The following SMIM20 variants were observed in gnomAD, a reference collection of about 807,000 sequenced individuals.
SMIM20 encodes the protein small integral membrane protein 20, also known as mitochondrial translation regulation assembly intermediate of cytochrome c oxidase protein of 7 kDa.
SMIM20 carries 3 observed loss-of-function variants against 8.7 expected under a neutral mutation model. The ratio of observed to expected loss-of-function variants is 0.34; its 90% CI spans 0.16 to 0.89. The LOEUF (loss-of-function observed/expected upper bound fraction) is 0.89. Among genes scored for constraint, SMIM20 ranks in the 40% least tolerant of loss-of-function variants. The pLI is 0.49. For synonymous variants in SMIM20, 44 were observed against 33.6 expected, an observed-to-expected ratio of 1.31 and a Z score of -1.07; for missense variants, 85 against 84.8, an observed-to-expected ratio of 1.00 and a Z score of -0.01.
intron 1 of SMIM20, among the ~76,000 whole-genome samples, chr4:25,915,602 C>T (rs1719069192): frequency 6.6e-6 from 1 of 152,172 alleles, no homozygotes; most frequent in Non-Finnish European, 1.5e-5. Flanking sequence ...AGCTTATCTG[C>T]ATGCACCATG....
intron 1 of SMIM20, among the ~76,000 whole-genome samples, chr4:25,924,717 C>T (rs2109365435): frequency 1.3e-5 from 2 of 152,252 alleles, no homozygotes; most frequent in Middle Eastern, 6.8e-3. Context: ...ACATTGTGAG[C>T]TTTCATTCCT....
chr4:25,918,676 A>AT (rs989486325), intron 1 of SMIM20, among the ~76,000 whole-genome samples: 5 of 150,218 alleles, frequency 3.3e-5, no homozygotes, highest in African/African-American at 1.2e-4. Context: ...ACGCCTGGCT[A>AT]TTTTTTTGTA....
chr4:25,927,854 T>C (rs1433900083), intron 1 of SMIM20, among the ~76,000 whole-genome samples: 1 of 152,246 alleles, frequency 6.6e-6, no homozygotes, highest in East Asian at 1.9e-4. Context: ...CTGCTCTATT[T>C]CCTATCAAAA....
intron 2 of SMIM20, among the ~76,000 whole-genome samples, 174 bp from the exon 3 acceptor site, chr4:25,928,980 G>A (rs570809339): frequency 3.9e-5 from 6 of 152,200 alleles, no homozygotes; most frequent in Non-Finnish European, 8.8e-5. Context: ...CCTTATGGCA[G>A]CCATGGCTTC....
chr4:25,919,329 C>T (rs1398700207), intron 1 of SMIM20, among the ~76,000 whole-genome samples: 1 of 151,964 alleles, frequency 6.6e-6, no homozygotes, highest in African/African-American at 2.4e-5. Context: ...ATTTTTCTCA[C>T]CTCATTTTGT....
At chr4:25,929,080 G>A in intron 2 of SMIM20, 74 bp from the exon 3 acceptor site, 1 of 1,516,512 alleles carries the variant, frequency 6.6e-7, no homozygotes, top group Non-Finnish European at 9.0e-7. Context: ...ATGTCATTTT[G>A]TTTGTTTGGG....
chr4:25,920,357 T>C (rs1234801708), intron 1 of SMIM20, among the ~76,000 whole-genome samples: 4 of 152,148 alleles, frequency 2.6e-5, no homozygotes, highest in Non-Finnish European at 5.9e-5. Flanking sequence ...CTAATATATA[T>C]GTTGTATCTT....
At chr4:25,916,794 G>A (rs1186773023) in intron 1 of SMIM20, among the ~76,000 whole-genome samples, 1 of 152,172 alleles carries the variant, frequency 6.6e-6, no homozygotes, top group Non-Finnish European at 1.5e-5. Flanking sequence ...CACCTCAAGC[G>A]ATCCTCCTGC....
chr4:25,928,644 C>T (rs541878226), intron 2 of SMIM20, among the ~76,000 whole-genome samples: 10 of 152,168 alleles, frequency 6.6e-5, no homozygotes, highest in Admixed American at 1.3e-4. Flanking sequence ...GTGCGTGATT[C>T]GATATGAGAC....
intron 1 of SMIM20, among the ~76,000 whole-genome samples, chr4:25,925,011 G>A (rs189174642): frequency 3.4e-4 from 51 of 152,180 alleles, no homozygotes; most frequent in African/African-American, 1.2e-3. Context: ...AGATGTATGT[G>A]AAACAAATGA....
chr4:25,915,846 A>G (rs1360600854), intron 1 of SMIM20, among the ~76,000 whole-genome samples: 1 of 38,446 alleles, frequency 2.6e-5, no homozygotes, highest in Admixed American at 3.7e-4. Flanking sequence ...GCTTGTCACA[A>G]CTTGGGATGG....
intron 1 of SMIM20, among the ~76,000 whole-genome samples, chr4:25,917,426 A>G (rs1719108873): frequency 6.6e-6 from 1 of 152,228 alleles, no homozygotes; most frequent in Non-Finnish European, 1.5e-5. Flanking sequence ...ATGAGCCACA[A>G]GGGCAGGAAT....
chr4:25,929,103 G>A, intron 2 of SMIM20, 51 bp from the exon 3 acceptor site: 1 of 1,545,350 alleles, frequency 6.5e-7, no homozygotes, highest in Non-Finnish European at 8.8e-7. Flanking sequence ...GGAGGAAAGT[G>A]GAAGGACATT....
intron 1 of SMIM20, 137 bp from the exon 2 acceptor site, chr4:25,928,176 A>G: frequency 1.3e-6 from 1 of 775,274 alleles, no homozygotes; most frequent in Middle Eastern, 2.6e-4. Flanking sequence ...AAAGCTTTGC[A>G]TAATAGCGTA....
chr4:25,919,183 C>T (rs1048409951), intron 1 of SMIM20, among the ~76,000 whole-genome samples: 4 of 152,070 alleles, frequency 2.6e-5, no homozygotes, highest in South Asian at 2.1e-4. Context: ...GGATTACAGG[C>T]GTGAGCCACC....
rs935513490 is a variant in SMIM20, at chr4:25,914,220, C to G, written c.-94C>G. On this transcript the variant is annotated 5_prime_UTR_variant, in exon 1 of 3. Coordinates refer to ENST00000506197, the MANE Select transcript of SMIM20 (RefSeq NM_001145432.3). ...GGCCCGGAAGCGAAAGCCTCTCCACCTCTTCCGAGCGGGGTCACGGCCCGG... is the reference window on the plus strand; with the variant it reads ...GGCCCGGAAGCGAAAGCCTCTCCACGTCTTCCGAGCGGGGTCACGGCCCGG... The G allele has an allele frequency of 3.3e-6, 5 of 1,496,364 alleles. No individual in the cohort carries two copies. The highest frequency in any genetic ancestry group is 4.5e-6 in the Non-Finnish European group (5 of 1,117,590). 92.7% of individuals were successfully genotyped at this position (1,496,364 alleles called of 1,614,324 possible).
chr4:25,920,202 G>A (rs1719172111), intron 1 of SMIM20, among the ~76,000 whole-genome samples: 1 of 152,150 alleles, frequency 6.6e-6, no homozygotes, highest in Admixed American at 6.5e-5. Context: ...CCAGTGGAGG[G>A]TTATTGAAGT....
intron 1 of SMIM20, among the ~76,000 whole-genome samples, chr4:25,925,960 C>T (rs1719284842): frequency 6.6e-6 from 1 of 152,194 alleles, no homozygotes; most frequent in African/African-American, 2.4e-5. Flanking sequence ...ACTGCCTTAG[C>T]ACCAGGGGGC....
chr4:25,921,367 A>G (rs1184314779), intron 1 of SMIM20, among the ~76,000 whole-genome samples: 3 of 152,168 alleles, frequency 2.0e-5, no homozygotes, highest in Admixed American at 6.5e-5. Context: ...ACCCTGTCTC[A>G]TTTAAAAAAA....
Sources: allele counts gnomAD v4.1 joint callset (sites outside exome capture counted in the v4.1 genomes callset), GRCh38; gene constraint gnomAD v4.1.1; transcripts MANE v1.5; gene names NCBI Gene and HGNC (gene_info 2026-07-23, HGNC 2026-07-21).